The following C4orf17 variants were observed in gnomAD, a reference collection of about 807,000 sequenced individuals.
C4orf17 encodes the protein chromosome 4 open reading frame 17, also known as uncharacterized protein C4orf17.
Under a neutral mutation model 32.0 loss-of-function variants are expected in C4orf17, and 25 were observed. The observed-to-expected ratio is 0.78, with a 90% CI of 0.57 to 1.09. The LOEUF is 1.09. C4orf17 is among the 50% of genes least tolerant of loss of function. C4orf17 has a pLI of 0.00. For missense variants in C4orf17, 420 were observed against 420.0 expected (o/e 1.00, Z 0.00); for synonymous variants, 149 against 145.8 (o/e 1.02, Z -0.16).
rs751517404 is a variant in C4orf17, at chr4:99,539,203, C to T, written c.669C>T (p.Ala223=). The T allele has an allele frequency of 5.0e-6, 8 of 1,613,904 alleles. 1 individual carries two copies. The highest frequency in any genetic ancestry group is 3.3e-5 in the South Asian group (3 of 91,078). ...WVSALIHSEL[A]EINLLTHHRR... is the part of the protein sequence containing the mutation. ...CAGCTTTGATTCATTCTGAGCTTGC[C>T]GAGATAAACCTGTTAACTCATCACA... Residue 223 remains alanine (A), a synonymous_variant, in exon 7 of 9, where the codon GCC becomes GCT. Transcript: ENST00000326581.
intron 4 of C4orf17, among the ~76,000 whole-genome samples, chr4:99,525,982 G>A (rs1489394387): frequency 6.6e-6 from 1 of 152,078 alleles, no homozygotes; most frequent in Non-Finnish European, 1.5e-5. Context: ...GCATCTGCAT[G>A]CTGTTTATCT....
chr4:99,521,804 A>G (rs116494578), intron 2 of C4orf17, among the ~76,000 whole-genome samples: 5,575 of 152,290 alleles, frequency 0.037, 146 homozygotes, highest in Middle Eastern at 0.088. Context: ...AAGCTGTCCA[A>G]TTCCACAAGA....
rs1320553418 is a variant in C4orf17 at position 99,542,038 on chromosome 4, T to C, written c.1009T>C (p.Ser337Pro). The change falls in exon 9 of 9, where the codon TCA (serine) becomes CCA (proline). Residue 337 changes from serine (S) to proline (P), a missense_variant. Coordinates refer to ENST00000326581, the MANE Select transcript of C4orf17 (RefSeq NM_032149.3). ...GGAGAGTGGATCAGCAAAACCAGTG[T>C]CAGCAAGGAGTATACAAGAATACAA... is the stretch of plus-strand genomic sequence containing the variant. ...TQESGSAKPV[S>P]ARSIQEYNLC... 6.2e-7 allele frequency: 1 copy of C among 1,614,090 alleles called. No individual in the cohort carries two copies. Among genetic ancestry groups the C allele is most frequent in the Admixed American group, 1.7e-5 (1 of 60,024 alleles).
chr4:99,529,032 A>G (rs1273817118), intron 4 of C4orf17, among the ~76,000 whole-genome samples: 3 of 152,230 alleles, frequency 2.0e-5, no homozygotes, highest in Admixed American at 6.5e-5. Context: ...TAAACTTAAA[A>G]AAAGAATGCC....
intron 4 of C4orf17, among the ~76,000 whole-genome samples, chr4:99,528,360 A>G (rs904260595): frequency 4.6e-5 from 7 of 151,940 alleles, no homozygotes; most frequent in African/African-American, 1.5e-4. Context: ...TTCTCTTTCT[A>G]TTACATACTT....
intron 4 of C4orf17, among the ~76,000 whole-genome samples, chr4:99,528,984 T>TA (rs1723435227): frequency 1.3e-5 from 2 of 152,318 alleles, no homozygotes; most frequent in South Asian, 4.2e-4. Context: ...ATTAAGGACT[T>TA]ACTGTGTTAC....
chr4:99,512,993 T>C lies in C4orf17; in HGVS notation c.-89T>C, dbSNP rs1723120684. Reference sequence around the variant, plus strand: ...TTTGTCATTTTGTGATTTCAGGGTCTGAGCACATCTGGAAGTGAGGTCAAT... The same window carrying C: ...TTTGTCATTTTGTGATTTCAGGGTCCGAGCACATCTGGAAGTGAGGTCAAT... On this transcript the variant is annotated 5_prime_UTR_variant, in exon 2 of 9. Coordinates refer to ENST00000326581, the MANE Select transcript of C4orf17 (RefSeq NM_032149.3). 16 of 1,387,336 alleles carry C rather than the reference T, an allele frequency of 1.2e-5. No individual in the cohort carries two copies. The highest frequency in any genetic ancestry group is 1.6e-5 in the Non-Finnish European group (16 of 991,402). The allele number at this position is 1,387,336 out of a possible 1,614,324, so 85.9% of individuals were successfully genotyped here.
intron 2 of C4orf17, among the ~76,000 whole-genome samples, chr4:99,514,574 G>C (rs1400601948): frequency 6.6e-6 from 1 of 152,098 alleles, no homozygotes; most frequent in African/African-American, 2.4e-5. Context: ...ACTCCTGTAA[G>C]AACGGCCATA....
At chr4:99,540,384 C>A in intron 7 of C4orf17, 28 bp from the exon 8 acceptor site, 2 of 1,582,058 alleles carry the variant, frequency 1.3e-6, no homozygotes, top group South Asian at 2.2e-5. Flanking sequence ...CTGTGAAATT[C>A]ACTTTTTTCT....
At chr4:99,537,571 T>G in intron 5 of C4orf17, 98 bp from the exon 6 acceptor site, 1 of 843,904 alleles carries the variant, frequency 1.2e-6, no homozygotes, top group Non-Finnish European at 2.0e-6. Context: ...ATATACAAAG[T>G]GATATTTGGG....
intron 2 of C4orf17, among the ~76,000 whole-genome samples, chr4:99,513,811 G>T (rs1262077420): frequency 6.6e-6 from 1 of 152,092 alleles, no homozygotes; most frequent in Non-Finnish European, 1.5e-5. Flanking sequence ...AGCTTGGATT[G>T]AAGAATTTTA....
At chr4:99,537,798 A>G (rs754113330) in intron 6 of C4orf17, 48 bp downstream of exon 6, 33 of 1,321,056 alleles carry the variant, frequency 2.5e-5, no homozygotes, top group Non-Finnish European at 3.6e-5. Context: ...ATTTATTGTC[A>G]GAAACTGGGA....
At chr4:99,539,105 A>C (rs1250351827) in intron 6 of C4orf17, 58 bp from the exon 7 acceptor site, 2 of 1,464,156 alleles carry the variant, frequency 1.4e-6, no homozygotes, top group Non-Finnish European at 9.6e-7. Context: ...CTGTGTTTCT[A>C]TCCAACATGA....
intron 5 of C4orf17, among the ~76,000 whole-genome samples, chr4:99,534,715 A>G (rs1723532209): frequency 6.6e-6 from 1 of 152,124 alleles, no homozygotes; most frequent in African/African-American, 2.4e-5. Flanking sequence ...TTTGATTTGT[A>G]TTTCTCTAAT....
rs779438540 is a variant in C4orf17, at chr4:99,524,571, T to C, written c.388T>C (p.Leu130=). 3 of 1,599,176 alleles carry C rather than the reference T, an allele frequency of 1.9e-6. No individual in the cohort carries two copies. In the East Asian group the frequency reaches 6.7e-5, roughly 36 times the overall value. ...CTTCAAAACTTCCAGTGAGAATCCC[T>C]TAGTAATTAAAAAGGTAAGGAACAG... The part of the protein sequence containing the change: ...ECFKTSSENP[L]VIKKEEIKAK... The change falls in exon 4 of 9, where the codon TTA becomes CTA. Residue 130 remains leucine (L), a synonymous_variant. Transcript: ENST00000326581.
chr4:99,532,249 TG>T (rs1723488631), intron 5 of C4orf17, among the ~76,000 whole-genome samples: 1 of 152,048 alleles, frequency 6.6e-6, no homozygotes, highest in East Asian at 1.9e-4. Flanking sequence ...ACACCCGCAC[TG>T]GCATGTTTAT....
chr4:99,518,357 G>A (rs1377404308), intron 2 of C4orf17, among the ~76,000 whole-genome samples: 1 of 150,774 alleles, frequency 6.6e-6, no homozygotes, highest in South Asian at 2.1e-4. Flanking sequence ...AGTTGGTGGT[G>A]TACCTGTAGT....
chr4:99,528,301 T>C (rs770607217), intron 4 of C4orf17, among the ~76,000 whole-genome samples: 1 of 152,190 alleles, frequency 6.6e-6, no homozygotes, highest in Admixed American at 6.5e-5. Flanking sequence ...ATTTTTTGAT[T>C]CTCTATGTTG....
chr4:99,541,536 A>G (rs915954937), intron 8 of C4orf17: 2 of 190,756 alleles, frequency 1.0e-5, no homozygotes, highest in African/African-American at 2.4e-5. Context: ...GGGTGCAACT[A>G]TGTAGGTCTT....
Sources: allele counts gnomAD v4.1 joint callset (sites outside exome capture counted in the v4.1 genomes callset), GRCh38; gene constraint gnomAD v4.1.1; transcripts MANE v1.5; gene names NCBI Gene and HGNC (gene_info 2026-07-23, HGNC 2026-07-21).